The following CXXC4 variants were observed in gnomAD, a reference collection of about 807,000 sequenced individuals.
CXXC4 encodes the protein CXXC-type zinc finger protein 4.
A neutral mutation model predicts 20.5 loss-of-function variants in CXXC4; 5 were observed. The ratio of observed to expected loss-of-function variants is 0.24; its 90% CI spans 0.13 to 0.51. CXXC4 has a LOEUF of 0.51. CXXC4 is among the 20% of genes least tolerant of loss of function. CXXC4 has a pLI of 0.97. For synonymous variants in CXXC4, 250 were observed against 216.4 expected, an observed-to-expected ratio of 1.16 and a Z score of -1.36; for missense variants, 419 against 496.4, an observed-to-expected ratio of 0.84 and a Z score of 1.48.
intron 2 of CXXC4, among the ~76,000 whole-genome samples, chr4:104,478,279 G>T (rs1736467007): frequency 6.6e-6 from 1 of 152,156 alleles, no homozygotes; most frequent in African/African-American, 2.4e-5. Context: ...TGTGACTTTA[G>T]AAGGTAAACC....
intron 2 of CXXC4, among the ~76,000 whole-genome samples, chr4:104,482,350 A>G (rs1192241798): frequency 6.6e-6 from 1 of 152,200 alleles, no homozygotes; most frequent in African/African-American, 2.4e-5. Flanking sequence ...TAGCAGCATT[A>G]CAAAGAAGAG....
rs1736221111 is a variant in CXXC4 at position 104,469,987 on chromosome 4, T to G, written c.*2335A>C. On this transcript the variant is annotated 3_prime_UTR_variant, in exon 3 of 3. Coordinates refer to ENST00000394767, the MANE Select transcript of CXXC4 (RefSeq NM_025212.4). ...CTCTCAGTATACTTCTATGAGATCT[T>G]TAGGTTATTGTATGCCTACTGTAGC... is the stretch of plus-strand genomic sequence containing the variant. 1 of 151,964 alleles carries G rather than the reference T, an allele frequency of 6.6e-6. No homozygotes were observed. The highest frequency in any genetic ancestry group is 2.1e-4 in the South Asian group (1 of 4,818). The allele number at this position is 151,964 out of a possible 1,614,324, so 9.4% of individuals were successfully genotyped here.
intron 2 of CXXC4, among the ~76,000 whole-genome samples, chr4:104,480,320 C>T (rs1266112143): frequency 6.6e-6 from 1 of 152,106 alleles, no homozygotes; most frequent in Non-Finnish European, 1.5e-5. Flanking sequence ...TGATATCCTT[C>T]TCATCATCAT....
chr4:104,491,405 C>T lies in CXXC4; in HGVS notation c.398G>A (p.Gly133Asp), dbSNP rs759738025. ...GGCGGCGGAGGAGGATTTCCTGCCG[C>T]CCCCACCACCCCCGCCCCCGCCTCC... ...GGGGGGGGGG[G>D]GRKSSSAAAS... The change falls in exon 2 of 3, where the codon GGC becomes GAC. Residue 133 changes from glycine (G) to aspartate (D), a missense_variant. By Grantham distance (94) the Gly-to-Asp change is moderately conservative. Transcript: ENST00000394767. 5 of 1,127,558 alleles carry T rather than the reference C, an allele frequency of 4.4e-6. No homozygotes were observed. The highest frequency in any genetic ancestry group is 4.1e-5 in the South Asian group (1 of 24,618). The allele number at this position is 1,127,558 out of a possible 1,614,324, so 69.8% of individuals were successfully genotyped here. A position where few individuals can be genotyped will look rare whatever the true frequency, so the allele number is the denominator to read the frequency against.
In CXXC4 at chr4:104,471,086, G is replaced by A. The variant is rs1024066580; in HGVS notation, c.*1236C>T. 3 of 151,828 alleles carry A rather than the reference G, an allele frequency of 2.0e-5. No homozygotes were observed. Among genetic ancestry groups the A allele is most frequent in the African/African-American group, 7.3e-5 (3 of 41,348 alleles). 9.4% of individuals were successfully genotyped at this position (151,828 alleles called of 1,614,324 possible). On this transcript the variant is annotated 3_prime_UTR_variant, in exon 3 of 3. Transcript: ENST00000394767. ...ATGGAGCATTTTACTGAAGGACCAG[G>A]GGAAGACCACTAGTCCAACTGGGTG...
At chr4:104,488,648 A>G (rs1369593944) in intron 2 of CXXC4, among the ~76,000 whole-genome samples, 2 of 152,190 alleles carry the variant, frequency 1.3e-5, no homozygotes, top group African/African-American at 4.8e-5. Flanking sequence ...ATTTTTGTGC[A>G]TGAGAATTTT....
chr4:104,489,038 T>C (rs1035674617), intron 2 of CXXC4, among the ~76,000 whole-genome samples: 6 of 152,174 alleles, frequency 3.9e-5, no homozygotes, highest in African/African-American at 1.4e-4. Flanking sequence ...TTTCCCATAG[T>C]CCTTAGAAGT....
intron 2 of CXXC4, among the ~76,000 whole-genome samples, chr4:104,479,274 A>C (rs1386342525): frequency 6.6e-6 from 1 of 152,182 alleles, no homozygotes; most frequent in Non-Finnish European, 1.5e-5. Flanking sequence ...AAAAAATCTT[A>C]AGAGGTGATG....
Position 104,491,281 on chromosome 4 carries a change from G to C in CXXC4, c.522C>G (p.Asn174Lys). ...CAGCTTTCCCCAGCCTCTGGGAGTC[G>C]TTTCGGTGGTGCATGCTGGTCCTGC... is the stretch of plus-strand genomic sequence containing the variant. ...GGSRTSMHHR[N>K]DSQRLGKAGC... The change falls in exon 2 of 3, where the codon AAC (asparagine) becomes AAG (lysine). Residue 174 changes from asparagine to lysine, a missense_variant. By Grantham distance (94) the Asn-to-Lys change is moderately conservative (BLOSUM62 0). Coordinates refer to ENST00000394767, the MANE Select transcript of CXXC4 (RefSeq NM_025212.4). The C allele has an allele frequency of 6.2e-7, 1 of 1,611,730 alleles. No homozygotes were observed. Among genetic ancestry groups the C allele is most frequent in the Non-Finnish European group, 8.5e-7 (1 of 1,179,622 alleles).
intron 2 of CXXC4, among the ~76,000 whole-genome samples, chr4:104,481,738 T>C (rs545546977): frequency 3.9e-5 from 6 of 152,258 alleles, no homozygotes; most frequent in African/African-American, 1.4e-4. Context: ...AACTTAAGTC[T>C]TGGAAGATAA....
chr4:104,478,150 A>G (rs1467250159), intron 2 of CXXC4, among the ~76,000 whole-genome samples: 1 of 152,124 alleles, frequency 6.6e-6, no homozygotes, highest in African/African-American at 2.4e-5. Flanking sequence ...TGGCCTTTTC[A>G]TTGATAATTG....
At chr4:104,478,229 A>G (rs1353558830) in intron 2 of CXXC4, among the ~76,000 whole-genome samples, 1 of 152,174 alleles carries the variant, frequency 6.6e-6, no homozygotes, top group African/African-American at 2.4e-5. Context: ...CACCACAGTT[A>G]CCATCACCAC....
chr4:104,492,794 T>C (rs147315062), intron 1 of CXXC4, among the ~76,000 whole-genome samples: 1 of 152,210 alleles, frequency 6.6e-6, no homozygotes, highest in Non-Finnish European at 1.5e-5. Flanking sequence ...GTGGTGGGTC[T>C]TGGTGGGGGT....
intron 2 of CXXC4, among the ~76,000 whole-genome samples, chr4:104,483,282 C>G (rs1440339385): frequency 6.6e-6 from 1 of 151,866 alleles, no homozygotes; most frequent in Non-Finnish European, 1.5e-5. Flanking sequence ...GCTTTTATAA[C>G]AGCTAAAGCA....
intron 2 of CXXC4, among the ~76,000 whole-genome samples, chr4:104,483,474 GTCT>G (rs1736606077): frequency 3.3e-5 from 5 of 151,798 alleles, no homozygotes; most frequent in Admixed American, 2.0e-4. Context: ...CTTAATAACT[GTCT>G]TCATTTTAAA....
intron 1 of CXXC4, among the ~76,000 whole-genome samples, chr4:104,492,871 T>C (rs1006164543): frequency 7.9e-5 from 12 of 152,142 alleles, no homozygotes; most frequent in African/African-American, 2.9e-4. Flanking sequence ...TAATTACATA[T>C]ATACATATTT....
intron 2 of CXXC4, chr4:104,475,269 G>T (rs1736374789): frequency 6.6e-6 from 1 of 152,072 alleles, no homozygotes. Context: ...AAAATGATTA[G>T]TTGGGAAATC....
chr4:104,479,645 A>G (rs1334394302), intron 2 of CXXC4, among the ~76,000 whole-genome samples: 3 of 152,276 alleles, frequency 2.0e-5, no homozygotes, highest in Middle Eastern at 6.8e-3. Context: ...ATTTCAGTCA[A>G]CTAGATGCTA....
chr4:104,491,212 G>A lies in CXXC4; in HGVS notation c.591C>T (p.Phe197=). The A allele has an allele frequency of 6.2e-7, 1 of 1,613,540 alleles. No individual in the cohort carries two copies. Among genetic ancestry groups the A allele is most frequent in the Non-Finnish European group, 8.5e-7 (1 of 1,179,956 alleles). ...EPSLQMANTN[F]LSTLSPEHCR... ...AGTGTTCAGGGGATAAGGTGGAGAG[G>A]AAATTAGTATTTGCCATTTGCAACG... is the stretch of plus-strand genomic sequence containing the variant. Residue 197 remains phenylalanine, a synonymous_variant, in exon 2 of 3, where the codon TTC becomes TTT. Coordinates refer to ENST00000394767, the MANE Select transcript of CXXC4 (RefSeq NM_025212.4).
Sources: gnomAD v4.1 joint callset for allele counts (sites outside exome capture counted in the v4.1 genomes callset) on GRCh38, gnomAD v4.1.1 for gene constraint, MANE v1.5 for transcripts, NCBI Gene and HGNC (gene_info 2026-07-23, HGNC 2026-07-21) for gene names.